PIN1: variants seen among roughly 807,000 people sequenced by gnomAD.
PIN1 encodes the protein peptidyl-prolyl cis-trans isomerase NIMA-interacting 1.
A neutral mutation model predicts 19.9 loss-of-function variants in PIN1; 8 were observed. The ratio of observed to expected loss-of-function variants is 0.40; its 90% CI spans 0.24 to 0.72. The LOEUF is 0.72. Ranked by LOEUF, PIN1 falls within the 30% of genes least tolerant of loss-of-function variation. The pLI is 0.37. For missense variants in PIN1, 185 were observed against 226.5 expected (o/e 0.82, Z 1.18); for synonymous variants, 86 against 90.8 (o/e 0.95, Z 0.30).
chr19:9,847,801 T>C (rs1038402656), intron 2 of PIN1, among the ~76,000 whole-genome samples: 2 of 152,108 alleles, frequency 1.3e-5, no homozygotes, highest in African/African-American at 2.4e-5. Flanking sequence ...CATTAAGTGC[T>C]CATGCTCGTG....
Position 9,848,176 on chromosome 19 carries a change from C to T in PIN1, c.382+36C>T, listed in dbSNP as rs772234231. ...AATGGGCCTCACCAGGTTGGGGGAC[C>T]CTTACCACCCTGAGGGGTAGAGGCC... On this transcript the variant is annotated intron_variant, in intron 3 of 3. Transcript: ENST00000247970. 3.2e-6 allele frequency: 4 copies of T among 1,267,244 alleles called. No homozygotes were observed. In the Admixed American group the frequency reaches 6.8e-5, roughly 22 times the overall value. 78.5% of individuals were successfully genotyped at this position (1,267,244 alleles called of 1,614,324 possible).
At position 9,846,048 on chromosome 19, in the gene PIN1, G is replaced by A. The variant is rs2046217196; in HGVS notation, c.272-1982G>A. Among the ~76,000 whole-genome samples, 1 of 152,204 alleles carries A rather than the reference G, an allele frequency of 6.6e-6. No individual in the cohort carries two copies. The highest frequency in any genetic ancestry group is 1.5e-5 in the Non-Finnish European group (1 of 67,994). ...CCTAAGGCCAAGGAGATACCTAGAA[G>A]TTCAGGGAGAGGAGGGGTGGGAGGG... On this transcript the variant is annotated intron_variant, in intron 2 of 3. Transcript: ENST00000247970. The surrounding 1 kb of genome is among the most constrained non-coding windows in gnomAD (Gnocchi z 5.9).
At position 9,849,393 on chromosome 19, in the gene PIN1, G is replaced by A. The variant is rs532486600; in HGVS notation, c.*194G>A. 1.9e-5 allele frequency: 14 copies of A among 721,814 alleles called. No individual in the cohort carries two copies. In the African/African-American group the frequency reaches 2.2e-4, roughly 11 times the overall value. 44.7% of individuals were successfully genotyped at this position (721,814 alleles called of 1,614,324 possible). ...GGTCCCCACTCCCTGTCCATCCCCA[G>A]TTGGGGCTGCGACCGCCAGATTCTC... On this transcript the variant is annotated 3_prime_UTR_variant, in exon 4 of 4. Coordinates refer to ENST00000247970, the MANE Select transcript of PIN1 (RefSeq NM_006221.4).
At position 9,838,664 on chromosome 19, in the gene PIN1, G is replaced by A; in HGVS notation, c.271+16G>A. 6.5e-7 allele frequency: 1 copy of A among 1,527,618 alleles called. No individual in the cohort carries two copies. The highest frequency in any genetic ancestry group is 8.8e-7 in the Non-Finnish European group (1 of 1,137,142). 94.6% of individuals were successfully genotyped at this position (1,527,618 alleles called of 1,614,324 possible). ...CTGATCAACGGTGAGCAGGGCGAGG[G>A]CAGGGGCTTGGGAGGGGGTCTTCTC... On this transcript the variant is annotated intron_variant, in intron 2 of 3. Transcript: ENST00000247970. The surrounding 1 kb of genome is among the most constrained non-coding windows in gnomAD (Gnocchi z 5.8).
chr19:9,835,522 G>A lies in PIN1; in HGVS notation c.58+120G>A, dbSNP rs1370708810. On this transcript the variant is annotated intron_variant, in intron 1 of 3. Coordinates refer to ENST00000247970, the MANE Select transcript of PIN1 (RefSeq NM_006221.4). ...TCCCATGGGGTCCTGGCTCTTCCGC[G>A]TCGTCCCCGGGGTAACGGCCCCGGC... 1.1e-5 allele frequency: 8 copies of A among 709,448 alleles called. No individual in the cohort carries two copies. In the East Asian group the frequency reaches 2.7e-4, roughly 24 times the overall value. 43.9% of individuals were successfully genotyped at this position (709,448 alleles called of 1,614,324 possible).
intron 2 of PIN1, among the ~76,000 whole-genome samples, chr19:9,844,503 G>A (rs1400640094): frequency 6.6e-6 from 1 of 152,176 alleles, no homozygotes; most frequent in Non-Finnish European, 1.5e-5. Flanking sequence ...AGCACAGATA[G>A]GTGCCATTCT....
At chr19:9,843,102 T>C (rs2046184644) in intron 2 of PIN1, among the ~76,000 whole-genome samples, 2 of 152,216 alleles carry the variant, frequency 1.3e-5, no homozygotes, top group Non-Finnish European at 1.5e-5. Flanking sequence ...GGAGAAGCCC[T>C]CCCTGCCCGC....
intron 1 of PIN1, chr19:9,836,912 A>G: frequency 6.8e-6 from 8 of 1,169,794 alleles, no homozygotes; most frequent in Non-Finnish European, 9.1e-6. Flanking sequence ...CAATAGAGAT[A>G]ATAAAGGCTA....
chr19:9,847,178 G>A (rs903872578), intron 2 of PIN1, among the ~76,000 whole-genome samples: 3 of 152,030 alleles, frequency 2.0e-5, no homozygotes, highest in Admixed American at 6.6e-5. Context: ...CACACACCAC[G>A]TGCACACACA....
chr19:9,847,685 CACGTGTGTGTGTGTGTGT>C, intron 2 of PIN1, among the ~76,000 whole-genome samples: 1 of 132,586 alleles, frequency 7.5e-6, no homozygotes, highest in Non-Finnish European at 1.8e-5. Context: ...GATTTTCCCT[CACGTGTGTGTGTGTGTGT>C]GCATGTGTGT....
At chr19:9,841,666 G>A (rs1296121664) in intron 2 of PIN1, among the ~76,000 whole-genome samples, 2 of 152,206 alleles carry the variant, frequency 1.3e-5, no homozygotes, top group African/African-American at 4.8e-5. Flanking sequence ...AGAATGTCAA[G>A]GGCCAGGGAA....
intron 2 of PIN1, among the ~76,000 whole-genome samples, chr19:9,845,766 A>C (rs1568361283): frequency 6.6e-6 from 1 of 152,092 alleles, no homozygotes; most frequent in Non-Finnish European, 1.5e-5. Context: ...CTTGCACACT[A>C]TGTGTGTGAG....
chr19:9,842,058 G>A (rs2046172349), intron 2 of PIN1, among the ~76,000 whole-genome samples: 2 of 152,296 alleles, frequency 1.3e-5, no homozygotes, highest in South Asian at 2.1e-4. Flanking sequence ...CAGGCCCTGA[G>A]GCGTCACCGT....
intron 1 of PIN1, chr19:9,835,783 G>C (rs1599446433): frequency 3.9e-6 from 1 of 253,370 alleles, no homozygotes; most frequent in Admixed American, 5.7e-5. Context: ...AAAGGGCGTA[G>C]GGTGTTGCCC....
chr19:9,847,855 C>T (rs921772341), intron 2 of PIN1, among the ~76,000 whole-genome samples, 175 bp from the exon 3 acceptor site: 9 of 152,040 alleles, frequency 5.9e-5, no homozygotes, highest in Non-Finnish European at 8.8e-5. Flanking sequence ...GGTGTGACTG[C>T]GCATGCAGGT....
chr19:9,842,981 A>T (rs565957934), intron 2 of PIN1, among the ~76,000 whole-genome samples: 4 of 152,336 alleles, frequency 2.6e-5, no homozygotes, highest in Admixed American at 2.6e-4. Context: ...TTTTCTGCTG[A>T]GGCTCCTTTT....
intron 1 of PIN1, chr19:9,835,829 C>T (rs2046097647): frequency 5.1e-6 from 1 of 195,714 alleles, no homozygotes; most frequent in South Asian, 1.4e-4. Context: ...GCTAACACCC[C>T]TACTGTGTAC....
At position 9,835,410 on chromosome 19, in the gene PIN1, G is replaced by T. The variant is rs1424442597; in HGVS notation, c.58+8G>T. ...GCATGAGCCGCAGCTCAGGTGCCGC[G>T]GGGGTCGGGGCTGGGGCGGGACTGC... On this transcript the variant is annotated splice_region_variant and intron_variant, in intron 1 of 3. Transcript: ENST00000247970. 2 of 1,504,568 alleles carry T rather than the reference G, an allele frequency of 1.3e-6. No individual in the cohort carries two copies. Among genetic ancestry groups the T allele is most frequent in the East Asian group, 2.7e-5 (1 of 37,450 alleles). The allele number at this position is 1,504,568 out of a possible 1,614,324, so 93.2% of individuals were successfully genotyped here.
In PIN1 at chr19:9,846,398, A is replaced by G. The variant is rs540145720; in HGVS notation, c.272-1632A>G. Among the ~76,000 whole-genome samples, 3 of 152,280 alleles carry G rather than the reference A, an allele frequency of 2.0e-5. No individual in the cohort carries two copies. In the South Asian group the frequency reaches 6.2e-4, roughly 32 times the overall value. On this transcript the variant is annotated intron_variant, in intron 2 of 3. Transcript: ENST00000247970. The surrounding 1 kb of genome is among the most constrained non-coding windows in gnomAD (Gnocchi z 5.9). ...GTCAGGGTCCTGCTCGGTGCCGGGC[A>G]CTATGCTGCATGTCACAGCCACTGG... is the stretch of plus-strand genomic sequence containing the variant.
Sources: allele counts gnomAD v4.1 joint callset (sites outside exome capture counted in the v4.1 genomes callset), GRCh38; gene constraint gnomAD v4.1.1; non-coding constraint Gnocchi (gnomAD v3.1); transcripts MANE v1.5; gene names NCBI Gene and HGNC (gene_info 2026-07-23, HGNC 2026-07-21).